Variants in RAP1GAP2 observed in about 807,000 individuals in gnomAD.
The protein encoded by RAP1GAP2 is RAP1 GTPase activating protein 2.
Under a neutral mutation model 95.0 loss-of-function variants are expected in RAP1GAP2, and 27 were observed. The observed-to-expected ratio is 0.28, with a 90% CI of 0.21 to 0.39. RAP1GAP2 has a LOEUF of 0.39. Among genes scored for constraint, RAP1GAP2 ranks in the 10% least tolerant of loss-of-function variants. The pLI is 1.00. For missense variants in RAP1GAP2, 771 were observed against 970.0 expected, an observed-to-expected ratio of 0.79 and a Z score of 2.72; for synonymous variants, 373 against 380.9, an observed-to-expected ratio of 0.98 and a Z score of 0.24.
chr17:2,968,777 C>T (rs1316684733), intron 8 of RAP1GAP2, among the ~76,000 whole-genome samples: 1 of 152,012 alleles, frequency 6.6e-6, no homozygotes, highest in Non-Finnish European at 1.5e-5. Context: ...AAAACCTACA[C>T]AAATTGATCT....
At chr17:2,828,865 T>G (rs988679939) in intron 2 of RAP1GAP2, among the ~76,000 whole-genome samples, 3 of 152,088 alleles carry the variant, frequency 2.0e-5, no homozygotes, top group Non-Finnish European at 4.4e-5. Context: ...TCCCGGTTTC[T>G]GGGTATCTGT....
At chr17:2,761,857 G>T (rs2071255948) in intron 1 of RAP1GAP2, among the ~76,000 whole-genome samples, 1 of 151,690 alleles carries the variant, frequency 6.6e-6, no homozygotes, top group Non-Finnish European at 1.5e-5. Context: ...TATTATCTCT[G>T]TCTTTGCTTA....
chr17:3,026,288 AC>A (rs2151659758), intron 20 of RAP1GAP2, 61 bp from the exon 21 acceptor site: 1 of 1,416,862 alleles, frequency 7.1e-7, no homozygotes, highest in South Asian at 1.2e-5. Flanking sequence ...CCCGGGGAGG[AC>A]CCTGGGGGTG....
Position 3,003,774 on chromosome 17 carries a change from G to A in RAP1GAP2, c.1201-1595G>A, listed in dbSNP as rs2046245030. Among the ~76,000 whole-genome samples the A allele has an allele frequency of 6.6e-6, 1 of 152,182 alleles. No individual in the cohort carries two copies. Among genetic ancestry groups the A allele is most frequent in the Non-Finnish European group, 1.5e-5 (1 of 68,036 alleles). ...CTGCTTTCAGTCCAGTGACCCAGAT[G>A]TCCCCAAGAGGGGGGAACAACAAAG... On this transcript the variant is annotated intron_variant, in intron 14 of 24. Transcript: ENST00000254695. This position sits in a 1 kb window ranked among gnomAD's most constrained non-coding sequence, Gnocchi z 4.1.
intron 2 of RAP1GAP2, among the ~76,000 whole-genome samples, chr17:2,861,838 T>C (rs1201251036): frequency 6.6e-6 from 1 of 152,134 alleles, no homozygotes; most frequent in East Asian, 1.9e-4. Context: ...GTATTTTTAG[T>C]AGAGACGGGG....
intron 3 of RAP1GAP2, among the ~76,000 whole-genome samples, chr17:2,941,432 A>T (rs1174457934): frequency 3.3e-5 from 5 of 150,350 alleles, no homozygotes; most frequent in Non-Finnish European, 6.0e-5. Context: ...AATAAAATGA[A>T]ATAAAAACAA....
intron 2 of RAP1GAP2, among the ~76,000 whole-genome samples, chr17:2,849,486 C>T (rs1013423197): frequency 6.6e-6 from 1 of 152,230 alleles, no homozygotes; most frequent in African/African-American, 2.4e-5. Flanking sequence ...CCCTTTTCTT[C>T]AGGGCCAGGC....
In RAP1GAP2 at chr17:3,020,596, G is replaced by A. The variant is rs866630268; in HGVS notation, c.1751+1G>A. 6.2e-7 allele frequency: 1 copy of A among 1,612,766 alleles called. No homozygotes were observed. The highest frequency in any genetic ancestry group is 8.5e-7 in the Non-Finnish European group (1 of 1,179,430). On this transcript the variant is annotated splice_donor_variant, in intron 19 of 24. Coordinates refer to ENST00000254695, the MANE Select transcript of RAP1GAP2 (RefSeq NM_015085.5). LOFTEE classifies it high-confidence loss of function. ...GCCAGGGCGACAGCCGGGCACGATG[G>A]TAACTGTTGGGAAACCCCTACCCCA...
chr17:2,766,846 C>G (rs1334696735), intron 1 of RAP1GAP2, among the ~76,000 whole-genome samples: 2 of 152,154 alleles, frequency 1.3e-5, no homozygotes, highest in African/African-American at 4.8e-5. Context: ...GCAGCCCCAA[C>G]TGTCTAACAG....
intron 1 of RAP1GAP2, among the ~76,000 whole-genome samples, chr17:2,788,341 G>A (rs914388101): frequency 6.6e-6 from 1 of 152,134 alleles, no homozygotes; most frequent in African/African-American, 2.4e-5. Context: ...TGTTGCCCAG[G>A]CAGGAGTGCA....
chr17:3,006,149 C>G (rs1296831649), intron 16 of RAP1GAP2, 108 bp downstream of exon 16: 5 of 821,354 alleles, frequency 6.1e-6, no homozygotes, highest in Middle Eastern at 3.2e-4. Flanking sequence ...TTTTTTGAGA[C>G]AGAGTCTTGC....
intron 2 of RAP1GAP2, among the ~76,000 whole-genome samples, chr17:2,898,658 G>T (rs757853668): frequency 2.6e-5 from 4 of 152,218 alleles, no homozygotes; most frequent in Non-Finnish European, 4.4e-5. Flanking sequence ...ATCTGAAGAT[G>T]TCCCTGCCCC....
At chr17:2,908,057 G>A (rs923866681) in intron 3 of RAP1GAP2, among the ~76,000 whole-genome samples, 2 of 151,844 alleles carry the variant, frequency 1.3e-5, no homozygotes, top group Non-Finnish European at 2.9e-5. Flanking sequence ...CGCCCGCCTC[G>A]GCCTCCCAAA....
intron 2 of RAP1GAP2, among the ~76,000 whole-genome samples, chr17:2,901,570 A>G (rs2042027472): frequency 6.6e-6 from 1 of 152,300 alleles, no homozygotes; most frequent in African/African-American, 2.4e-5. Flanking sequence ...GTCACAAAGA[A>G]GTTGTCACCT....
chr17:2,980,962 A>G (rs1011275601), intron 9 of RAP1GAP2, among the ~76,000 whole-genome samples: 1 of 152,108 alleles, frequency 6.6e-6, no homozygotes, highest in African/African-American at 2.4e-5. Context: ...TCAGGCCAGA[A>G]CGGTGACGAG....
chr17:2,800,083 A>C, intron 1 of RAP1GAP2: 1 of 627,382 alleles, frequency 1.6e-6, no homozygotes, highest in Non-Finnish European at 2.0e-6. Flanking sequence ...ACGCCTGGGA[A>C]ATATGGATGT....
At chr17:2,768,485 A>T (rs2068318654) in intron 1 of RAP1GAP2, among the ~76,000 whole-genome samples, 1 of 152,144 alleles carries the variant, frequency 6.6e-6, no homozygotes, top group Non-Finnish European at 1.5e-5. Flanking sequence ...TGAGGTCAGC[A>T]GTTCCAGACC....
intron 3 of RAP1GAP2, among the ~76,000 whole-genome samples, chr17:2,950,937 A>G (rs1204083834): frequency 2.6e-5 from 4 of 152,130 alleles, no homozygotes; most frequent in Non-Finnish European, 5.9e-5. Flanking sequence ...TGAGGAACTT[A>G]AAAGAGGAAT....
intron 2 of RAP1GAP2, among the ~76,000 whole-genome samples, chr17:2,889,713 C>A (rs569667654): frequency 1.1e-4 from 15 of 137,630 alleles, no homozygotes; most frequent in Non-Finnish European, 1.5e-4. Context: ...GATGGAGTCT[C>A]ACTCTGTCGC....
Sources: gnomAD v4.1 joint callset for allele counts (sites outside exome capture counted in the v4.1 genomes callset) on GRCh38, gnomAD v4.1.1 for gene constraint, Gnocchi (gnomAD v3.1) non-coding constraint, MANE v1.5 for transcripts, NCBI Gene and HGNC (gene_info 2026-07-23, HGNC 2026-07-21) for gene names.